Variants in DLG2 observed in about 807,000 individuals in gnomAD.
DLG2 encodes discs large MAGUK scaffold protein 2, also known as disks large homolog 2.
A neutral mutation model predicts 132.5 loss-of-function variants in DLG2; 45 were observed. The ratio of observed to expected loss-of-function variants is 0.34; its 90% CI spans 0.27 to 0.44. The LOEUF (loss-of-function observed/expected upper bound fraction) is 0.44, where lower values mean the gene tolerates loss of function less well. Among genes scored for constraint, DLG2 ranks in the 20% least tolerant of loss-of-function variants. The pLI is 1.00. For missense variants in DLG2, 1,045 were observed against 1,196.9 expected, an observed-to-expected ratio of 0.87 and a Z score of 1.87; for synonymous variants, 424 against 419.6, an observed-to-expected ratio of 1.01 and a Z score of -0.13.
intron 7 of DLG2, among the ~76,000 whole-genome samples, chr11:84,264,224 A>T (rs1332508392): frequency 6.6e-6 from 1 of 152,176 alleles, no homozygotes; most frequent in Non-Finnish European, 1.5e-5. Context: ...CAACTAGGCA[A>T]TGAAGTCTTT....
At chr11:84,922,175 TAAA>T (rs111271156) in intron 6 of DLG2, among the ~76,000 whole-genome samples, 1 of 141,032 alleles carries the variant, frequency 7.1e-6, no homozygotes. Flanking sequence ...ATATTGACTT[TAAA>T]AAAAAAAAAA....
chr11:85,012,735 A>G (rs1389058276), intron 6 of DLG2, among the ~76,000 whole-genome samples: 1 of 152,216 alleles, frequency 6.6e-6, no homozygotes, highest in African/African-American at 2.4e-5. Flanking sequence ...TCTGATTAAT[A>G]TAGGACTCCA....
intron 17 of DLG2, among the ~76,000 whole-genome samples, chr11:83,797,349 T>C (rs2043081871): frequency 6.6e-6 from 1 of 152,132 alleles, no homozygotes; most frequent in Admixed American, 6.5e-5. Flanking sequence ...TTAGCCCTCA[T>C]AACAACTGTG....
At chr11:84,048,167 A>AATG (rs1180971121) in intron 11 of DLG2, among the ~76,000 whole-genome samples, 1 of 151,644 alleles carries the variant, frequency 6.6e-6, no homozygotes, top group East Asian at 1.9e-4. Context: ...TAATAATAAT[A>AATG]ATAAAAGATT....
At position 83,986,210 on chromosome 11, in the gene DLG2, TCCCCACA is replaced by T. The variant is rs2093292728; in HGVS notation, c.920-5575_920-5569del. Among the ~76,000 whole-genome samples the T allele has an allele frequency of 2.6e-5, 3 of 116,362 alleles. 1 individual carries two copies. Among genetic ancestry groups the T allele is most frequent in the East Asian group, 5.5e-4 (2 of 3,646 alleles). The allele number at this position is 116,362 out of a possible 152,430, so 76.3% of individuals were successfully genotyped here. A position where few individuals can be genotyped will look rare whatever the true frequency, so the allele number is the denominator to read the frequency against. ...ATCTCCTAAAGCTATCCCTCCCCCC[TCCCCACA>T]CCCCACAACAGTCCCCAGAGTGTGA... On this transcript the variant is annotated intron_variant, in intron 11 of 27. Transcript: ENST00000376104.
chr11:84,720,315 G>A, intron 6 of DLG2: 10 of 985,470 alleles, frequency 1.0e-5, no homozygotes, highest in Non-Finnish European at 1.2e-5. Context: ...AAACATCAAC[G>A]ATAAAGTGTT....
chr11:85,350,802 G>A (rs530537707), intron 3 of DLG2, among the ~76,000 whole-genome samples: 1 of 152,118 alleles, frequency 6.6e-6, no homozygotes, highest in Non-Finnish European at 1.5e-5. Context: ...TGCTATTTTC[G>A]TTACTATAGC....
intron 18 of DLG2, among the ~76,000 whole-genome samples, chr11:83,685,448 A>G (rs2079566356): frequency 6.6e-6 from 1 of 152,138 alleles, no homozygotes; most frequent in Non-Finnish European, 1.5e-5. Flanking sequence ...CATTTGGCAG[A>G]ATCAATTACA....
intron 9 of DLG2, among the ~76,000 whole-genome samples, chr11:84,107,720 G>C (rs1479288687): frequency 3.3e-5 from 5 of 152,078 alleles, no homozygotes; most frequent in Admixed American, 6.6e-5. Flanking sequence ...AGAAATTAAA[G>C]GTCATTTTAA....
At chr11:84,843,043 T>A (rs2080907246) in intron 6 of DLG2, among the ~76,000 whole-genome samples, 1 of 151,946 alleles carries the variant, frequency 6.6e-6, no homozygotes, top group Admixed American at 6.6e-5. Flanking sequence ...GTGAATATAT[T>A]CTAGATATCT....
intron 6 of DLG2, among the ~76,000 whole-genome samples, chr11:84,886,977 T>A (rs1386836866): frequency 6.6e-6 from 1 of 152,174 alleles, no homozygotes; most frequent in African/African-American, 2.4e-5. Context: ...ATTCTAATTA[T>A]ATCAAACAAT....
chr11:84,374,486 A>AT (rs532959823), intron 7 of DLG2, among the ~76,000 whole-genome samples: 19 of 152,088 alleles, frequency 1.2e-4, no homozygotes, highest in East Asian at 9.7e-4. Context: ...TTAATCTGTG[A>AT]TTTTTTTTAG....
At chr11:84,741,518 ACT>A (rs1207305540) in intron 6 of DLG2, among the ~76,000 whole-genome samples, 1 of 151,012 alleles carries the variant, frequency 6.6e-6, no homozygotes, top group Non-Finnish European at 1.5e-5. Context: ...ACCACCACAA[ACT>A]CTCTCAGCCT....
intron 6 of DLG2, among the ~76,000 whole-genome samples, chr11:85,093,924 T>TGG (rs1330246101): frequency 6.6e-5 from 10 of 152,294 alleles, no homozygotes; most frequent in African/African-American, 2.4e-4. Flanking sequence ...TCTCAAACCA[T>TGG]ACTTAATTTC....
intron 3 of DLG2, among the ~76,000 whole-genome samples, chr11:85,430,303 G>A (rs538136030): frequency 1.3e-5 from 2 of 151,796 alleles, no homozygotes; most frequent in South Asian, 2.1e-4. Context: ...ATATACATAT[G>A]TAACTAACCT....
intron 8 of DLG2, among the ~76,000 whole-genome samples, chr11:84,186,486 G>A (rs1303956813): frequency 2.6e-5 from 4 of 151,794 alleles, no homozygotes; most frequent in Admixed American, 6.6e-5. Context: ...AACAGAGAGA[G>A]AAAATAATTA....
At chr11:84,294,384 G>A (rs1599259713) in intron 7 of DLG2, among the ~76,000 whole-genome samples, 1 of 152,084 alleles carries the variant, frequency 6.6e-6, no homozygotes, top group African/African-American at 2.4e-5. Context: ...GATCATCTGA[G>A]GTCAGGAGTT....
chr11:83,906,227 T>C (rs1222847806), intron 15 of DLG2, among the ~76,000 whole-genome samples: 1 of 131,710 alleles, frequency 7.6e-6, no homozygotes, highest in Non-Finnish European at 1.7e-5. Flanking sequence ...ATTGCTATAG[T>C]AGATGTCTCT....
chr11:83,872,267 A>C (rs4625494), intron 16 of DLG2, among the ~76,000 whole-genome samples: 48,849 of 152,058 alleles, frequency 0.32, 8,442 homozygotes, highest in African/African-American at 0.42. Context: ...CATCTCAAAC[A>C]AATTGGCGAG....
Sources: allele counts gnomAD v4.1 joint callset (sites outside exome capture counted in the v4.1 genomes callset), GRCh38; gene constraint gnomAD v4.1.1; transcripts MANE v1.5; gene names NCBI Gene and HGNC (gene_info 2026-07-23, HGNC 2026-07-21).